The following MSRA variants were observed in gnomAD, a reference collection of about 807,000 sequenced individuals.
The protein encoded by MSRA is methionine sulfoxide reductase A.
MSRA carries 54 observed loss-of-function variants against 31.3 expected under a neutral mutation model. The ratio of observed to expected loss-of-function variants is 1.73; its 90% CI spans 1.39 to 2.17. The LOEUF (loss-of-function observed/expected upper bound fraction) is 2.17. MSRA is among the 30% of genes most tolerant of loss of function. The pLI, the probability that MSRA is intolerant of heterozygous loss-of-function variation, is 0.00. For missense variants in MSRA, 507 were observed against 300.9 expected (o/e 1.69, Z -5.07); for synonymous variants, 169 against 116.5 (o/e 1.45, Z -2.90).
chr8:10,099,654 A>G (rs898834910), intron 1 of MSRA, among the ~76,000 whole-genome samples: 2 of 152,252 alleles, frequency 1.3e-5, no homozygotes, highest in African/African-American at 4.8e-5. Flanking sequence ...ATAGAAAAAC[A>G]AAAAGTACTG....
intron 5 of MSRA, among the ~76,000 whole-genome samples, chr8:10,405,802 C>A (rs545514456): frequency 1.3e-5 from 2 of 152,042 alleles, no homozygotes; most frequent in Non-Finnish European, 2.9e-5. Context: ...CACATACACA[C>A]ATGCTCGCGT....
At chr8:10,307,381 G>T (rs1246015284) in intron 4 of MSRA, among the ~76,000 whole-genome samples, 1 of 152,008 alleles carries the variant, frequency 6.6e-6, no homozygotes, top group Non-Finnish European at 1.5e-5. Flanking sequence ...TGCTCAGGCT[G>T]GTCTGGAACT....
At chr8:10,126,629 C>T (rs1011613495) in intron 1 of MSRA, among the ~76,000 whole-genome samples, 5 of 152,206 alleles carry the variant, frequency 3.3e-5, no homozygotes, top group African/African-American at 9.6e-5. Flanking sequence ...TCTCGTGCCT[C>T]AGCCTCACAA....
intron 3 of MSRA, among the ~76,000 whole-genome samples, chr8:10,275,687 A>G (rs571924637): frequency 1.6e-4 from 25 of 152,286 alleles, no homozygotes; most frequent in African/African-American, 4.6e-4. Flanking sequence ...GGAAATGTGT[A>G]AGTACAAGGA....
At chr8:10,212,473 G>T (rs1809586709) in intron 2 of MSRA, among the ~76,000 whole-genome samples, 1 of 152,166 alleles carries the variant, frequency 6.6e-6, no homozygotes, top group African/African-American at 2.4e-5. Context: ...AAATTGCAAT[G>T]ACATAGATTG....
intron 1 of MSRA, among the ~76,000 whole-genome samples, chr8:10,185,010 A>G (rs1304327297): frequency 6.6e-6 from 1 of 152,234 alleles, no homozygotes; most frequent in African/African-American, 2.4e-5. Context: ...TGCAGGGCTG[A>G]GACCCGGTTC....
At chr8:10,371,625 C>T (rs1805482240) in intron 5 of MSRA, among the ~76,000 whole-genome samples, 1 of 152,118 alleles carries the variant, frequency 6.6e-6, no homozygotes, top group Non-Finnish European at 1.5e-5. Flanking sequence ...CAAGGCTGTA[C>T]AGTTTTCCAG....
At chr8:10,360,642 A>G (rs956522872) in intron 5 of MSRA, among the ~76,000 whole-genome samples, 13 of 152,242 alleles carry the variant, frequency 8.5e-5, no homozygotes, top group African/African-American at 3.1e-4. Flanking sequence ...AGCATACACG[A>G]AACTGTCTAA....
chr8:10,115,770 C>T (rs996480065), intron 1 of MSRA, among the ~76,000 whole-genome samples: 5 of 152,190 alleles, frequency 3.3e-5, no homozygotes, highest in African/African-American at 1.2e-4. Flanking sequence ...AGGACGTCAT[C>T]TTAGTCACTG....
At chr8:10,219,283 C>T (rs1242820900) in intron 2 of MSRA, among the ~76,000 whole-genome samples, 1 of 152,198 alleles carries the variant, frequency 6.6e-6, no homozygotes, top group Non-Finnish European at 1.5e-5. Flanking sequence ...TAGCAGAAGA[C>T]ACTCCCCAGA....
At chr8:10,208,896 G>A (rs939373211) in intron 2 of MSRA, among the ~76,000 whole-genome samples, 1 of 152,222 alleles carries the variant, frequency 6.6e-6, no homozygotes, top group Non-Finnish European at 1.5e-5. Flanking sequence ...GTTTGAACTG[G>A]AAATTAGCCT....
intron 3 of MSRA, among the ~76,000 whole-genome samples, chr8:10,271,945 T>C (rs1394648868): frequency 6.6e-6 from 1 of 152,140 alleles, no homozygotes; most frequent in Non-Finnish European, 1.5e-5. Flanking sequence ...CAACCTAAGG[T>C]GACCCGCACA....
chr8:10,356,595 T>C (rs964134968), intron 5 of MSRA, among the ~76,000 whole-genome samples: 62 of 152,242 alleles, frequency 4.1e-4, no homozygotes, highest in African/African-American at 1.4e-3. Flanking sequence ...TAGGTGATGA[T>C]GATGACCTTT....
chr8:10,191,406 CTTCA>C (rs1563200797), intron 1 of MSRA, among the ~76,000 whole-genome samples: 2 of 152,268 alleles, frequency 1.3e-5, no homozygotes, highest in East Asian at 1.9e-4. Flanking sequence ...AAACATTTTT[CTTCA>C]TTGTTTTTGT....
chr8:10,327,519 T>C (rs1802429011), intron 5 of MSRA, among the ~76,000 whole-genome samples: 1 of 152,216 alleles, frequency 6.6e-6, no homozygotes, highest in South Asian at 2.1e-4. Flanking sequence ...CCTGCTTAGA[T>C]TGCAGCCAGA....
At chr8:10,054,813 G>A (rs1368075487) in intron 1 of MSRA, among the ~76,000 whole-genome samples, 155 bp downstream of exon 1, 1 of 152,224 alleles carries the variant, frequency 6.6e-6, no homozygotes, top group Non-Finnish European at 1.5e-5. Context: ...GGCGCCGGCA[G>A]TGGCCGGGGA....
At chr8:10,078,690 G>C (rs1189293415) in intron 1 of MSRA, among the ~76,000 whole-genome samples, 1 of 152,216 alleles carries the variant, frequency 6.6e-6, no homozygotes, top group Admixed American at 6.5e-5. Context: ...ATGGTAGCTG[G>C]TCCCAAGCTC....
rs575311853 is a variant in MSRA, at chr8:10,126,142, A to G, written c.142+71484A>G. Among the ~76,000 whole-genome samples, 7 of 152,232 alleles carry G rather than the reference A, an allele frequency of 4.6e-5. No homozygotes were observed. In the East Asian group the frequency reaches 9.6e-4, roughly 21 times the overall value. On this transcript the variant is annotated intron_variant, in intron 1 of 5. Coordinates refer to ENST00000317173, the MANE Select transcript of MSRA (RefSeq NM_012331.5). ...AATTCAAGGTTCTTCTAATTAATAC[A>G]TTGTAACTAACACATTAATGAATAC... is the stretch of plus-strand genomic sequence containing the variant.
At chr8:10,301,494 T>G in intron 3 of MSRA, 40 bp from the exon 4 acceptor site, 2 of 1,494,754 alleles carry the variant, frequency 1.3e-6, no homozygotes, top group Non-Finnish European at 1.9e-6. Flanking sequence ...TAAATGGATG[T>G]TGTCAGTAAA....
Sources: gnomAD v4.1 joint callset for allele counts (sites outside exome capture counted in the v4.1 genomes callset) on GRCh38, gnomAD v4.1.1 for gene constraint, MANE v1.5 for transcripts, NCBI Gene and HGNC (gene_info 2026-07-23, HGNC 2026-07-21) for gene names.